The following CCDC88B variants were observed in gnomAD, a reference collection of about 807,000 sequenced individuals.
CCDC88B encodes the protein coiled-coil domain-containing protein 88B.
Under a neutral mutation model 183.7 loss-of-function variants are expected in CCDC88B, and 138 were observed. The ratio of observed to expected loss-of-function variants is 0.75; its 90% confidence interval spans 0.65 to 0.87. CCDC88B has a LOEUF of 0.87. Ranked by LOEUF, CCDC88B falls within the 40% of genes least tolerant of loss-of-function variation. The pLI is 0.00. For synonymous variants in CCDC88B, 835 were observed against 867.5 expected (o/e 0.96, Z 0.66); for missense variants, 1,822 against 1,965.6 (o/e 0.93, Z 1.38).
In CCDC88B at chr11:64,349,759, G is replaced by A; in HGVS notation, c.2862+91G>A. On this transcript the variant is annotated intron_variant, in intron 16 of 26. Coordinates refer to ENST00000356786, the MANE Select transcript of CCDC88B (RefSeq NM_032251.6). ...CAGGGTCATCTGTCCTCCTAGTCTT[G>A]CCTCTGGATTCTTGGCTAGCTACTT... The A allele has an allele frequency of 2.4e-6, 3 of 1,244,962 alleles. No individual in the cohort carries two copies. The Middle Eastern group carries it at 5.6e-4, about 232-fold the overall frequency. 77.1% of individuals were successfully genotyped at this position (1,244,962 alleles called of 1,614,324 possible).
intron 14 of CCDC88B, among the ~76,000 whole-genome samples, chr11:64,348,195 G>A (rs534135514): frequency 3.9e-5 from 6 of 152,158 alleles, no homozygotes; most frequent in Non-Finnish European, 2.9e-5. Flanking sequence ...GTGAAGGTGA[G>A]GGTAGGGCTG....
In CCDC88B at chr11:64,351,410, G is replaced by A. The variant is rs545764496; in HGVS notation, c.2959-66G>A. 16 of 1,544,640 alleles carry A rather than the reference G, an allele frequency of 1.0e-5. No individual in the cohort carries two copies. The South Asian group carries it at 1.9e-4, about 18-fold the overall frequency. On this transcript the variant is annotated intron_variant, in intron 17 of 26. Transcript: ENST00000356786. ...GGGTGCCCCATGCAGTGTGAGTGTG[G>A]GCCTGTGGTAGGCACTAGGGGGTGC...
chr11:64,349,237 G>A (rs2036230952), intron 14 of CCDC88B, 94 bp from the exon 15 acceptor site: 1 of 1,431,856 alleles, frequency 7.0e-7, no homozygotes, highest in African/African-American at 1.4e-5. Flanking sequence ...AGGATGGCAG[G>A]TCAAGGACAG....
rs571186146 is a variant in CCDC88B, at chr11:64,351,811, C to T, written c.3099+195C>T. The stretch of plus-strand genomic sequence containing the variant: ...CCTGCCACTATCTCCTCCTACCTGC[C>T]GCCAGCCCCCACATCTACACCCATG... On this transcript the variant is annotated intron_variant, in intron 18 of 26. Transcript: ENST00000356786. Among the ~76,000 whole-genome samples the T allele has an allele frequency of 2.3e-4, 35 of 150,884 alleles. No homozygotes were observed. In the East Asian group the frequency reaches 4.3e-3, roughly 19 times the overall value.
chr11:64,351,157 C>T lies in CCDC88B; in HGVS notation c.2863-3C>T, dbSNP rs1175600862. Reference sequence around the variant, plus strand: ...CATGACCTCCCAGGGACTCTCCTTGCAGCTGCGCCAGGGCCCCGCGGGGCT... The same window carrying T: ...CATGACCTCCCAGGGACTCTCCTTGTAGCTGCGCCAGGGCCCCGCGGGGCT... On this transcript the variant is annotated splice_region_variant and splice_polypyrimidine_tract_variant and intron_variant, in intron 16 of 26. Coordinates refer to ENST00000356786, the MANE Select transcript of CCDC88B (RefSeq NM_032251.6). 2.0e-6 allele frequency: 3 copies of T among 1,473,776 alleles called. No individual in the cohort carries two copies. Among genetic ancestry groups the T allele is most frequent in the Non-Finnish European group, 2.7e-6 (3 of 1,114,666 alleles). The allele number at this position is 1,473,776 out of a possible 1,614,324, so 91.3% of individuals were successfully genotyped here.
Position 64,344,751 on chromosome 11 carries a change from TGAG to T in CCDC88B, c.2214_2216del (p.Arg739del), listed in dbSNP as rs756301333. On this transcript the variant is annotated inframe_deletion, in exon 14 of 27. Transcript: ENST00000356786. This position sits in a 1 kb window ranked among gnomAD's most constrained non-coding sequence, Gnocchi z 4.5. ...GCCCTCAGGGAGGAGGTGGCACAGT[TGAG>T]GAGAAAGGCTGAGGCCCTTGGAGAT... The T allele has an allele frequency of 3.2e-5, 51 of 1,612,804 alleles. No homozygotes were observed. Among genetic ancestry groups the T allele is most frequent in the Non-Finnish European group, 4.2e-5 (50 of 1,179,676 alleles).
In CCDC88B at chr11:64,344,811, C is replaced by A; in HGVS notation, c.2270C>A (p.Ala757Asp). Residue 757 changes from alanine (A) to aspartate (D), a missense_variant, in exon 14 of 27, where the codon GCC becomes GAC. Coordinates refer to ENST00000356786, the MANE Select transcript of CCDC88B (RefSeq NM_032251.6). This position sits in a 1 kb window ranked among gnomAD's most constrained non-coding sequence, Gnocchi z 4.5. The stretch of plus-strand genomic sequence containing the variant: ...GAAGCCCAGGCCCGCAAGCTGGAGG[C>A]CCAAAACACGGAGGCTGCCCGCCTC... ...ELEAQARKLE[A>D]QNTEAARLSK... The A allele has an allele frequency of 6.2e-7, 1 of 1,611,860 alleles. No individual in the cohort carries two copies. The highest frequency in any genetic ancestry group is 8.5e-7 in the Non-Finnish European group (1 of 1,179,034).
chr11:64,341,521 G>A lies in CCDC88B; in HGVS notation c.531+17G>A. On this transcript the variant is annotated intron_variant, in intron 6 of 26. Coordinates refer to ENST00000356786, the MANE Select transcript of CCDC88B (RefSeq NM_032251.6). ...ATCCAGGAGGTACTGAGACGGTTCG[G>A]CAGCCCAGACTGGTATGGCACCTGG... 6.2e-7 allele frequency: 1 copy of A among 1,613,380 alleles called. No homozygotes were observed. The highest frequency in any genetic ancestry group is 8.5e-7 in the Non-Finnish European group (1 of 1,179,970).
In CCDC88B at chr11:64,353,606, A is replaced by C. The variant is rs1401778256; in HGVS notation, c.3834-109A>C. 2.5e-6 allele frequency: 4 copies of C among 1,576,604 alleles called. No individual in the cohort carries two copies. In the East Asian group the frequency reaches 9.0e-5, roughly 35 times the overall value. On this transcript the variant is annotated intron_variant, in intron 22 of 26. Transcript: ENST00000356786. ...AGGGTTGGAGCTGACCTTCCAGGTC[A>C]GTCCAATCTGCGGCACGGGACCAGT...
chr11:64,349,877 C>T, intron 16 of CCDC88B: 1 of 602,292 alleles, frequency 1.7e-6, no homozygotes, highest in East Asian at 2.8e-5. Flanking sequence ...TTTCCCCATT[C>T]TGCACATGGA....
chr11:64,354,933 CCCCCCCGCT>C, intron 24 of CCDC88B, among the ~76,000 whole-genome samples: 2 of 55,108 alleles, frequency 3.6e-5, no homozygotes, highest in Non-Finnish European at 7.4e-5. Context: ...GGAGCCTCAG[CCCCCCCGCT>C]CCCCTCGTCT....
intron 14 of CCDC88B, chr11:64,348,723 G>A: frequency 2.3e-6 from 1 of 439,198 alleles, no homozygotes; most frequent in East Asian, 3.8e-5. Flanking sequence ...CCCCCCATGT[G>A]GCAGAATGGT....
chr11:64,341,617 G>A lies in CCDC88B; in HGVS notation c.550G>A (p.Gly184Ser). 1 of 1,601,602 alleles carries A rather than the reference G, an allele frequency of 6.2e-7. No individual in the cohort carries two copies. The highest frequency in any genetic ancestry group is 8.5e-7 in the Non-Finnish European group (1 of 1,173,472). Residue 184 changes from glycine to serine, a missense_variant, in exon 7 of 27, where the codon GGC (glycine) becomes AGC (serine). Transcript: ENST00000356786. ...GCCCCAGGTGACCCAGCCGGGGGCCGGCGTGGTGCTGGCACTGTCTGGGCC... is the reference window on the plus strand; with the variant it reads ...GCCCCAGGTGACCCAGCCGGGGGCCAGCGTGGTGCTGGCACTGTCTGGGCC... ...AIQEVTQPGA[G>S]VVLALSGPDP... is the part of the protein sequence containing the mutation.
Position 64,343,770 on chromosome 11 carries a change from A to T in CCDC88B, c.1319-8A>T. 1 of 1,561,174 alleles carries T rather than the reference A, an allele frequency of 6.4e-7. No individual in the cohort carries two copies. Among genetic ancestry groups the T allele is most frequent in the Non-Finnish European group, 8.7e-7 (1 of 1,151,952 alleles). On this transcript the variant is annotated splice_region_variant and splice_polypyrimidine_tract_variant and intron_variant, in intron 12 of 26. Coordinates refer to ENST00000356786, the MANE Select transcript of CCDC88B (RefSeq NM_032251.6). ...AGGAGGGGTCCTGACCTCATCTCTC[A>T]TCCTCAGCACCCCTAGCAGGAGCGG...
chr11:64,340,879 G>A (rs967671316), intron 2 of CCDC88B, 28 bp from the exon 3 acceptor site: 2 of 1,536,626 alleles, frequency 1.3e-6, no homozygotes, highest in African/African-American at 1.4e-5. Context: ...ACGGGAGGCG[G>A]GTCCTCGAGC....
Position 64,353,494 on chromosome 11 carries a change from C to T in CCDC88B, c.3831C>T (p.Tyr1277=), listed in dbSNP as rs1174332256. ...ACCTGCACCGCGAACAGCGGGAGTA[C>T]CTGTGAGTGGGCCGCCTGGGAGCGG... is the stretch of plus-strand genomic sequence containing the variant. The part of the protein sequence containing the change: ...RDHLHREQRE[Y]LDQLNALRRE... Residue 1277 remains tyrosine, a splice_region_variant and synonymous_variant, in exon 22 of 27, where the codon TAC becomes TAT. Transcript: ENST00000356786. 1.9e-6 allele frequency: 3 copies of T among 1,610,908 alleles called. No homozygotes were observed. The highest frequency in any genetic ancestry group is 1.7e-6 in the Non-Finnish European group (2 of 1,179,456).
chr11:64,354,939 C>T (rs541133470), intron 24 of CCDC88B, among the ~76,000 whole-genome samples: 1 of 58,346 alleles, frequency 1.7e-5, no homozygotes, highest in Non-Finnish European at 3.5e-5. Flanking sequence ...TCAGCCCCCC[C>T]GCTCCCCTCG....
chr11:64,341,180 T>C lies in CCDC88B; in HGVS notation c.388+2T>C. ...CATTGGGATTTGACCCTCTCTCAGG[T>C]GCTCTCCCCACCCACACCCTCCTGC... On this transcript the variant is annotated splice_donor_variant, in intron 4 of 26. Coordinates refer to ENST00000356786, the MANE Select transcript of CCDC88B (RefSeq NM_032251.6). LOFTEE classifies it high-confidence loss of function. 1.2e-6 allele frequency: 2 copies of C among 1,614,028 alleles called. No homozygotes were observed. Among genetic ancestry groups the C allele is most frequent in the Non-Finnish European group, 1.7e-6 (2 of 1,179,994 alleles).
intron 11 of CCDC88B, 56 bp downstream of exon 11, chr11:64,343,381 G>A (rs1186251913): frequency 6.5e-6 from 10 of 1,542,644 alleles, no homozygotes; most frequent in Admixed American, 3.9e-5. Context: ...TGACCCCATT[G>A]ATTCCCTAGT....
Sources: gnomAD v4.1 joint callset for allele counts (sites outside exome capture counted in the v4.1 genomes callset) on GRCh38, gnomAD v4.1.1 for gene constraint, Gnocchi (gnomAD v3.1) non-coding constraint, MANE v1.5 for transcripts, NCBI Gene and HGNC (gene_info 2026-07-23, HGNC 2026-07-21) for gene names.